Variants in MED15 observed in about 807,000 individuals in gnomAD.
MED15 encodes the protein mediator complex subunit 15.
MED15 carries 41 observed loss-of-function variants against 118.7 expected under a neutral mutation model. That is an observed-to-expected ratio of 0.35 (90% CI 0.27 to 0.45). The LOEUF (loss-of-function observed/expected upper bound fraction) is 0.45, where lower values mean the gene tolerates loss of function less well. MED15 is among the 20% of genes least tolerant of loss of function. The pLI is 1.00. For synonymous variants in MED15, 436 were observed against 413.9 expected (o/e 1.05, Z -0.65); for missense variants, 740 against 1,025.5 (o/e 0.72, Z 3.80).
At chr22:20,544,128 A>G (rs183179031) in intron 2 of MED15, among the ~76,000 whole-genome samples, 8 of 152,320 alleles carry the variant, frequency 5.3e-5, no homozygotes, top group Admixed American at 1.3e-4. Flanking sequence ...TTTCTGTATC[A>G]AGTTCGTCAT....
chr22:20,555,357 C>T (rs1219804133), intron 5 of MED15, among the ~76,000 whole-genome samples: 1 of 152,306 alleles, frequency 6.6e-6, no homozygotes, highest in Non-Finnish European at 1.5e-5. Flanking sequence ...CTGGGCCCTC[C>T]TCCTCCTCCT....
rs1315852895 is a variant in MED15 at position 20,577,397 on chromosome 22, C to CCCCTCCCT, written c.1272+2180_1272+2187dup. ...TTCCACCTAGACTTCTCACAGGCAG[C>CCCCTCCCT]CCCTCCCTCCCTCCCTCCCTCCTTC... On this transcript the variant is annotated intron_variant, in intron 9 of 17. Transcript: ENST00000263205. Among the ~76,000 whole-genome samples the CCCCTCCCT allele has an allele frequency of 3.3e-5, 5 of 150,922 alleles. No individual in the cohort carries two copies. In the East Asian group the frequency reaches 7.8e-4, roughly 23 times the overall value.
chr22:20,551,526 T>A, intron 3 of MED15, 39 bp downstream of exon 3: 3 of 1,584,788 alleles, frequency 1.9e-6, no homozygotes, highest in Non-Finnish European at 2.6e-6. Context: ...TTGAGATCTC[T>A]GTGAGAGGCC....
chr22:20,558,740 G>T (rs1247880485), intron 5 of MED15, among the ~76,000 whole-genome samples: 1 of 152,094 alleles, frequency 6.6e-6, no homozygotes, highest in African/African-American at 2.4e-5. Flanking sequence ...CAGGATTTGT[G>T]CTGGGTCCTG....
At chr22:20,516,645 G>C (rs1483760980) in intron 1 of MED15, among the ~76,000 whole-genome samples, 2 of 152,048 alleles carry the variant, frequency 1.3e-5, no homozygotes, top group East Asian at 3.9e-4. Flanking sequence ...AAGGACCCAT[G>C]CTGGGCATCC....
At position 20,507,612 on chromosome 22, in the gene MED15, C is replaced by G. The variant is rs2053910181; in HGVS notation, c.-67C>G. 1 of 1,599,956 alleles carries G rather than the reference C, an allele frequency of 6.3e-7. No homozygotes were observed. Among genetic ancestry groups the G allele is most frequent in the African/African-American group, 1.3e-5 (1 of 74,684 alleles). Reference sequence around the variant, plus strand: ...GGACGGCTTCCGGGTTTGGGCCTGGCTCTGTGACTGAGGCGGCGGCGGTGG... The same window carrying G: ...GGACGGCTTCCGGGTTTGGGCCTGGGTCTGTGACTGAGGCGGCGGCGGTGG... On this transcript the variant is annotated 5_prime_UTR_variant, in exon 1 of 18. Transcript: ENST00000263205.
chr22:20,531,714 A>G (rs983415561), intron 1 of MED15, among the ~76,000 whole-genome samples: 5 of 152,258 alleles, frequency 3.3e-5, no homozygotes, highest in Admixed American at 1.3e-4. Flanking sequence ...TGTGCCTGGC[A>G]GTGATGACTG....
chr22:20,513,988 C>T (rs2054168244), intron 1 of MED15, among the ~76,000 whole-genome samples: 1 of 152,110 alleles, frequency 6.6e-6, no homozygotes, highest in South Asian at 2.1e-4. Flanking sequence ...CTCAGCATTC[C>T]CAAGTAGCTG....
At chr22:20,535,878 T>C (rs1407534109) in intron 1 of MED15, among the ~76,000 whole-genome samples, 15 of 23,500 alleles carry the variant, frequency 6.4e-4, no homozygotes, top group Non-Finnish European at 1.1e-3. Context: ...CTTTCTTTTT[T>C]TTTTTTTTTT....
At chr22:20,510,735 T>G (rs1601424725) in intron 1 of MED15, among the ~76,000 whole-genome samples, 1 of 152,192 alleles carries the variant, frequency 6.6e-6, no homozygotes. Flanking sequence ...TCTCTCTGAT[T>G]TCAGCTAGAG....
At chr22:20,586,482 C>T (rs2057138911) in intron 17 of MED15, 86 bp from the exon 18 acceptor site, 7 of 1,559,152 alleles carry the variant, frequency 4.5e-6, no homozygotes, top group Non-Finnish European at 6.1e-6. Flanking sequence ...GCGCCTGGGG[C>T]TACCCCTTCC....
intron 1 of MED15, among the ~76,000 whole-genome samples, chr22:20,511,672 C>T (rs2054068052): frequency 6.6e-6 from 1 of 151,914 alleles, no homozygotes; most frequent in Admixed American, 6.6e-5. Context: ...TATGACTAGA[C>T]AGCCATTGCA....
At chr22:20,509,393 C>G (rs2053985345) in intron 1 of MED15, among the ~76,000 whole-genome samples, 1 of 152,078 alleles carries the variant, frequency 6.6e-6, no homozygotes, top group Non-Finnish European at 1.5e-5. Flanking sequence ...GGAACCTGTC[C>G]TTTTTCATCC....
intron 17 of MED15, among the ~76,000 whole-genome samples, chr22:20,586,096 G>A (rs1170455052): frequency 2.0e-5 from 3 of 152,230 alleles, no homozygotes; most frequent in Admixed American, 6.5e-5. Flanking sequence ...TGTTCAGTGG[G>A]TGAGGGGTGA....
At chr22:20,529,300 T>G (rs1014345828) in intron 1 of MED15, among the ~76,000 whole-genome samples, 4 of 152,196 alleles carry the variant, frequency 2.6e-5, no homozygotes, top group Non-Finnish European at 4.4e-5. Context: ...CAGGCTGGAG[T>G]GCAGTGGTGC....
intron 5 of MED15, 104 bp from the exon 6 acceptor site, chr22:20,564,345 TG>T (rs2056353968): frequency 4.6e-6 from 7 of 1,538,234 alleles, no homozygotes; most frequent in Non-Finnish European, 6.1e-6. Flanking sequence ...GCGGCAGCCG[TG>T]GCAGTGGGGC....
chr22:20,513,257 C>A (rs1262226257), intron 1 of MED15, among the ~76,000 whole-genome samples: 2 of 149,360 alleles, frequency 1.3e-5, no homozygotes, highest in Non-Finnish European at 3.0e-5. Context: ...CCACTTGTTA[C>A]ACTTGTTAGC....
chr22:20,523,922 T>C, intron 1 of MED15: 1 of 857,252 alleles, frequency 1.2e-6, no homozygotes, highest in Non-Finnish European at 1.4e-6. Context: ...CAAGAAAGCG[T>C]CATCAAGCAG....
chr22:20,530,971 A>C (rs535192586), intron 1 of MED15, among the ~76,000 whole-genome samples: 29 of 152,276 alleles, frequency 1.9e-4, no homozygotes, highest in African/African-American at 6.7e-4. Flanking sequence ...TCTTTAACGC[A>C]TACCTAGCAC....
Sources: allele counts gnomAD v4.1 joint callset (sites outside exome capture counted in the v4.1 genomes callset), GRCh38; gene constraint gnomAD v4.1.1; transcripts MANE v1.5; gene names NCBI Gene and HGNC (gene_info 2026-07-23, HGNC 2026-07-21).